The following STMN2 variants were observed in gnomAD, a reference collection of about 807,000 sequenced individuals.
STMN2 encodes stathmin-2.
Under a neutral mutation model 24.1 loss-of-function variants are expected in STMN2, and 2 were observed. The observed-to-expected ratio is 0.08, with a 90% confidence interval of 0.03 to 0.26. The LOEUF is 0.26. Among genes scored for constraint, STMN2 ranks in the 10% least tolerant of loss-of-function variants. STMN2 has a pLI of 1.00. For synonymous variants in STMN2, 83 were observed against 77.5 expected (o/e 1.07, Z -0.37); for missense variants, 114 against 213.6 (o/e 0.53, Z 2.91).
intron 4 of STMN2, chr8:79,663,713 T>A: frequency 7.2e-7 from 1 of 1,382,436 alleles, no homozygotes; most frequent in Non-Finnish European, 9.7e-7. Flanking sequence ...ATTAGCATCT[T>A]AAAATTTCAA....
At chr8:79,661,940 C>A (rs1806511141) in intron 4 of STMN2, among the ~76,000 whole-genome samples, 1 of 152,090 alleles carries the variant, frequency 6.6e-6, no homozygotes, top group South Asian at 2.1e-4. Context: ...ATACTGACCT[C>A]ATCTTGAATT....
At chr8:79,660,549 C>T (rs1806480634) in intron 4 of STMN2, among the ~76,000 whole-genome samples, 2 of 152,018 alleles carry the variant, frequency 1.3e-5, no homozygotes, top group African/African-American at 4.8e-5. Context: ...ATTTTAGTGG[C>T]AATAGTAGCA....
At position 79,665,237 on chromosome 8, in the gene STMN2, T is replaced by C. The variant is rs1806576815; in HGVS notation, c.*363T>C. 5.9e-6 allele frequency: 1 copy of C among 170,384 alleles called. No homozygotes were observed. Among genetic ancestry groups the C allele is most frequent in the African/African-American group, 2.4e-5 (1 of 41,610 alleles). The allele number at this position is 170,384 out of a possible 1,614,324, so 10.6% of individuals were successfully genotyped here. A position where few individuals can be genotyped will look rare whatever the true frequency, so the allele number is the denominator to read the frequency against. ...GGTCTGTTCTTTTTGAAGCTCCCCA[T>C]GTCTAACTCCATTCCAAAAGAAAAA... is the stretch of plus-strand genomic sequence containing the variant. On this transcript the variant is annotated 3_prime_UTR_variant, in exon 5 of 5. Coordinates refer to ENST00000220876, the MANE Select transcript of STMN2 (RefSeq NM_007029.4).
At chr8:79,644,971 A>G (rs1810187939) in intron 3 of STMN2, among the ~76,000 whole-genome samples, 1 of 152,156 alleles carries the variant, frequency 6.6e-6, no homozygotes, top group Non-Finnish European at 1.5e-5. Context: ...CCTGGCCAAC[A>G]TGGCAAAACC....
At chr8:79,639,792 T>C (rs1810050908) in intron 2 of STMN2, among the ~76,000 whole-genome samples, 1 of 152,238 alleles carries the variant, frequency 6.6e-6, no homozygotes, top group Non-Finnish European at 1.5e-5. Context: ...CAAATTCACA[T>C]ATGCATTACC....
At chr8:79,624,469 A>G (rs1307582273) in intron 1 of STMN2, among the ~76,000 whole-genome samples, 8 of 150,226 alleles carry the variant, frequency 5.3e-5, no homozygotes, top group South Asian at 2.1e-4. Context: ...AAAAAAAAAA[A>G]AAAAAAAAAG....
Position 79,665,251 on chromosome 8 carries a change from C to T in STMN2, c.*377C>T, listed in dbSNP as rs193279658. The stretch of plus-strand genomic sequence containing the variant: ...GAAGCTCCCCATGTCTAACTCCATT[C>T]CAAAAGAAAAATGAGGTCAGTAGAC... On this transcript the variant is annotated 3_prime_UTR_variant, in exon 5 of 5. Coordinates refer to ENST00000220876, the MANE Select transcript of STMN2 (RefSeq NM_007029.4). 16 of 165,688 alleles carry T rather than the reference C, an allele frequency of 9.7e-5. No individual in the cohort carries two copies. Among genetic ancestry groups the T allele is most frequent in the East Asian group, 1.8e-4 (1 of 5,532 alleles). 10.3% of individuals were successfully genotyped at this position (165,688 alleles called of 1,614,324 possible). A position where few individuals can be genotyped will look rare whatever the true frequency, so the allele number is the denominator to read the frequency against.
intron 4 of STMN2, among the ~76,000 whole-genome samples, chr8:79,662,811 T>A (rs768834911): frequency 2.1e-4 from 32 of 152,128 alleles, no homozygotes; most frequent in Non-Finnish European, 4.0e-4. Context: ...TATATGAATC[T>A]TTAGACTTGA....
intron 4 of STMN2, among the ~76,000 whole-genome samples, chr8:79,658,783 C>T (rs1806435928): frequency 6.6e-6 from 1 of 152,204 alleles, no homozygotes; most frequent in Admixed American, 6.5e-5. Flanking sequence ...ATGTCACTGA[C>T]TGATAAATTC....
chr8:79,655,162 T>G lies in STMN2; in HGVS notation c.480+100T>G. 3 of 1,431,516 alleles carry G rather than the reference T, an allele frequency of 2.1e-6. No homozygotes were observed. In the South Asian group the frequency reaches 4.1e-5, roughly 20 times the overall value. 88.7% of individuals were successfully genotyped at this position (1,431,516 alleles called of 1,614,324 possible). A position where few individuals can be genotyped will look rare whatever the true frequency, so the allele number is the denominator to read the frequency against. Reference sequence around the variant, plus strand: ...GCACAGAGACGAAGTCAAAATTTGCTGCAGGTGTGAGGACAACTAACTCCC... The same window carrying G: ...GCACAGAGACGAAGTCAAAATTTGCGGCAGGTGTGAGGACAACTAACTCCC... On this transcript the variant is annotated intron_variant, in intron 4 of 4. Transcript: ENST00000220876.
chr8:79,630,362 T>C lies in STMN2; in HGVS notation c.20-6440T>C, dbSNP rs191391512. ...GAGCATAATAGGCTATCCACCCTTA[T>C]GCAATCTTACATACAAAGTCATAGT... On this transcript the variant is annotated intron_variant, in intron 1 of 4. Coordinates refer to ENST00000220876, the MANE Select transcript of STMN2 (RefSeq NM_007029.4). 6.9e-3 allele frequency among the ~76,000 whole-genome samples: 1,049 copies of C among 152,302 alleles called. 15 individuals carry two copies. The highest frequency in any genetic ancestry group is 0.024 in the African/African-American group (999 of 41,560).
chr8:79,625,120 T>C (rs1471924215), intron 1 of STMN2, among the ~76,000 whole-genome samples: 1 of 152,212 alleles, frequency 6.6e-6, no homozygotes, highest in African/African-American at 2.4e-5. Flanking sequence ...TCTAATGATC[T>C]TTCCACTGCA....
intron 3 of STMN2, among the ~76,000 whole-genome samples, chr8:79,653,117 C>T (rs556989371): frequency 2.6e-5 from 4 of 152,096 alleles, no homozygotes; most frequent in Non-Finnish European, 4.4e-5. Flanking sequence ...GTGGCTCACA[C>T]CTATAATCCC....
intron 1 of STMN2, among the ~76,000 whole-genome samples, chr8:79,628,150 T>C (rs1254538110): frequency 2.0e-5 from 3 of 151,952 alleles, no homozygotes; most frequent in East Asian, 1.9e-4. Flanking sequence ...CTAGTAGTTT[T>C]ATTTTTTTTT....
chr8:79,654,631 C>T (rs1810408610), intron 3 of STMN2, among the ~76,000 whole-genome samples: 3 of 152,132 alleles, frequency 2.0e-5, no homozygotes, highest in African/African-American at 2.4e-5. Flanking sequence ...GGATTAAATG[C>T]TTCTTCTTCT....
At chr8:79,649,098 G>A (rs1325011197) in intron 3 of STMN2, among the ~76,000 whole-genome samples, 1 of 152,140 alleles carries the variant, frequency 6.6e-6, no homozygotes, top group African/African-American at 2.4e-5. Flanking sequence ...CACCAAACAT[G>A]ATAGACTTAC....
chr8:79,648,147 G>A (rs1267601528), intron 3 of STMN2, among the ~76,000 whole-genome samples: 1 of 152,176 alleles, frequency 6.6e-6, no homozygotes, highest in Non-Finnish European at 1.5e-5. Flanking sequence ...GAATGTCTGT[G>A]TTCAAATCCT....
intron 2 of STMN2, 73 bp from the exon 3 acceptor site, chr8:79,641,305 G>T: frequency 6.7e-7 from 1 of 1,499,610 alleles, no homozygotes; most frequent in South Asian, 1.3e-5. Flanking sequence ...CCAATTGCTG[G>T]AATCTAAATT....
At chr8:79,624,361 G>A (rs1190748914) in intron 1 of STMN2, among the ~76,000 whole-genome samples, 2 of 151,108 alleles carry the variant, frequency 1.3e-5, no homozygotes, top group Non-Finnish European at 2.9e-5. Context: ...GGCTGAGGCA[G>A]GAGAATGGCG....
Sources: allele counts gnomAD v4.1 joint callset (sites outside exome capture counted in the v4.1 genomes callset), GRCh38; gene constraint gnomAD v4.1.1; transcripts MANE v1.5; gene names NCBI Gene and HGNC (gene_info 2026-07-23, HGNC 2026-07-21).